Variants in AGRN observed in about 807,000 individuals in gnomAD.
AGRN encodes agrin.
In AGRN, 106 loss-of-function variants were observed where a neutral mutation model predicts 211.0. That is an observed-to-expected ratio of 0.50 (90% CI 0.43 to 0.59). AGRN has a LOEUF of 0.59. Ranked by LOEUF, AGRN falls within the 20% of genes least tolerant of loss-of-function variation. AGRN has a pLI of 0.00. For missense variants in AGRN, 3,040 were observed against 2,982.6 expected, an observed-to-expected ratio of 1.02 and a Z score of -0.45; for synonymous variants, 1,525 against 1,332.5, an observed-to-expected ratio of 1.14 and a Z score of -3.15.
intron 3 of AGRN, among the ~76,000 whole-genome samples, chr1:1,037,860 G>A (rs1455966328): frequency 6.6e-6 from 1 of 152,172 alleles, no homozygotes; most frequent in Admixed American, 6.5e-5. Flanking sequence ...GCTGCAATGC[G>A]CTGTGCCTGG....
chr1:1,051,118 C>T (rs886395969), intron 30 of AGRN, 135 bp from the exon 31 acceptor site: 16 of 1,538,792 alleles, frequency 1.0e-5, no homozygotes, highest in Admixed American at 2.0e-5. Flanking sequence ...CACTAAGGAC[C>T]CTGCCATTTC....
chr1:1,050,207 T>C lies in AGRN; in HGVS notation c.4880-26T>C, dbSNP rs749992637. 6.2e-6 allele frequency: 10 copies of C among 1,611,842 alleles called. 1 individual carries two copies. In the South Asian group the frequency reaches 1.1e-4, roughly 18 times the overall value. Reference sequence around the variant, plus strand: ...TGCAGGAGGCCCCGGGGGTCAGGACTGAGGCCTTGGTGACTCTCCCTACAG... The same window carrying C: ...TGCAGGAGGCCCCGGGGGTCAGGACCGAGGCCTTGGTGACTCTCCCTACAG... On this transcript the variant is annotated intron_variant, in intron 27 of 35. Coordinates refer to ENST00000379370, the MANE Select transcript of AGRN (RefSeq NM_198576.4).
chr1:1,026,679 C>T (rs1213227934), intron 2 of AGRN, among the ~76,000 whole-genome samples: 1 of 152,106 alleles, frequency 6.6e-6, no homozygotes, highest in East Asian at 1.9e-4. Context: ...TTGGACTGGG[C>T]TCCCCAGGGC....
Position 1,053,926 on chromosome 1 carries a change from G to A in AGRN, c.5825G>A (p.Arg1942His), listed in dbSNP as rs758968975. 24 of 1,605,528 alleles carry A rather than the reference G, an allele frequency of 1.5e-5. No homozygotes were observed. The highest frequency in any genetic ancestry group is 1.8e-4 in the Middle Eastern group (1 of 5,418). ...YNLGSQPVVL[R>H]STVPVNTNRW... ...CTGGGCTCCCAGCCCGTGGTGCTGCGTTCCACCGTGCCCGTCAACACCAAC... is the reference window on the plus strand; with the variant it reads ...CTGGGCTCCCAGCCCGTGGTGCTGCATTCCACCGTGCCCGTCAACACCAAC... The change falls in exon 34 of 36, where the codon CGT becomes CAT. Residue 1942 changes from arginine to histidine, a missense_variant. Around this residue, in one of 3 missense-constraint regions of AGRN, gnomAD observed 1,537 missense variants for 1,505.0 expected, o/e 1.02. Coordinates refer to ENST00000379370, the MANE Select transcript of AGRN (RefSeq NM_198576.4).
chr1:1,028,530 T>A (rs1644573583), intron 2 of AGRN, among the ~76,000 whole-genome samples: 1 of 137,614 alleles, frequency 7.3e-6, no homozygotes, highest in South Asian at 2.5e-4. Flanking sequence ...CCCCAGCCCC[T>A]CATGGGCCAA....
In AGRN at chr1:1,055,049, T is replaced by C. The variant is rs1357313342; in HGVS notation, c.*68T>C. ...TTTGTAAACTTGTTGCTTTTTGATA[T>C]GATTTTCTTGCCTGAGTGTTGGCCG... On this transcript the variant is annotated 3_prime_UTR_variant, in exon 36 of 36. Coordinates refer to ENST00000379370, the MANE Select transcript of AGRN (RefSeq NM_198576.4). 2.2e-5 allele frequency: 34 copies of C among 1,535,468 alleles called. 2 individuals carry two copies. The highest frequency in any genetic ancestry group is 2.0e-4 in the Middle Eastern group (1 of 4,942).
At chr1:1,027,175 G>A (rs1379733435) in intron 2 of AGRN, among the ~76,000 whole-genome samples, 2 of 152,242 alleles carry the variant, frequency 1.3e-5, no homozygotes, top group Non-Finnish European at 2.9e-5. Context: ...GTGGGAGAAG[G>A]GGCGTGCTGT....
In AGRN at chr1:1,046,866, T is replaced by C; in HGVS notation, c.3297T>C (p.Pro1099=). Reference sequence around the variant, plus strand: ...GCAGCGTGGCCACCCCTGGGCCACCTGTCGAGAGGGCTTCCTGCTACAACT... The same window carrying C: ...GCAGCGTGGCCACCCCTGGGCCACCCGTCGAGAGGGCTTCCTGCTACAACT... ...EGSSVATPGP[P]VERASCYNSA... The change falls in exon 19 of 36, where the codon CCT becomes CCC. Residue 1099 remains proline, a synonymous_variant. Coordinates refer to ENST00000379370, the MANE Select transcript of AGRN (RefSeq NM_198576.4). 6.3e-7 allele frequency: 1 copy of C among 1,587,210 alleles called. No individual in the cohort carries two copies. The highest frequency in any genetic ancestry group is 8.6e-7 in the Non-Finnish European group (1 of 1,168,672).
chr1:1,039,198 G>A (rs2100622722), intron 3 of AGRN, among the ~76,000 whole-genome samples: 1 of 152,326 alleles, frequency 6.6e-6, no homozygotes, highest in East Asian at 1.9e-4. Flanking sequence ...AGTAGCAGAA[G>A]AGGGGTGGGG....
chr1:1,035,464 TG>T lies in AGRN; in HGVS notation c.511+143del. The T allele has an allele frequency of 2.5e-6, 3 of 1,197,252 alleles. No individual in the cohort carries two copies. In the South Asian group the frequency reaches 3.7e-5, roughly 15 times the overall value. 74.2% of individuals were successfully genotyped at this position (1,197,252 alleles called of 1,614,324 possible). ...TGGACAAGGGCACCTGCGTCTGTCC[TG>T]GGAGTCCGCAGCGGTGGGCCGCAGT... On this transcript the variant is annotated intron_variant, in intron 3 of 35. Transcript: ENST00000379370.
At chr1:1,052,385 G>C (rs571515607) in intron 33 of AGRN, 1 of 340,162 alleles carries the variant, frequency 2.9e-6, no homozygotes, top group Non-Finnish European at 5.8e-6. Context: ...GTGTGTGCAT[G>C]GGTCCATGTA....
chr1:1,047,092 G>T lies in AGRN; in HGVS notation c.3388+135G>T, dbSNP rs116472750. On this transcript the variant is annotated intron_variant, in intron 19 of 35. Coordinates refer to ENST00000379370, the MANE Select transcript of AGRN (RefSeq NM_198576.4). ...CGGCCCCCTCAAACATGTGCGTGCCGGGGACCCCACGCCTAACCCGTCTCT... is the reference window on the plus strand; with the variant it reads ...CGGCCCCCTCAAACATGTGCGTGCCTGGGACCCCACGCCTAACCCGTCTCT... 2,861 of 1,438,114 alleles carry T rather than the reference G, an allele frequency of 2.0e-3. 48 individuals carry two copies. The African/African-American group carries it at 0.036, about 18-fold the overall frequency. The allele number at this position is 1,438,114 out of a possible 1,614,324, so 89.1% of individuals were successfully genotyped here.
rs767553597 is a variant in AGRN, at chr1:1,046,057, T to C, written c.2774T>C (p.Met925Thr). 5 of 1,614,046 alleles carry C rather than the reference T, an allele frequency of 3.1e-6. No homozygotes were observed. Among genetic ancestry groups the C allele is most frequent in the East Asian group, 2.2e-5 (1 of 44,876 alleles). The part of the protein sequence containing the change: ...ESGSAHCVCP[M>T]LTCPEANATK... ...GGCTCAGCCCACTGTGTCTGCCCGA[T>C]GCTCACCTGTCCAGAGGCCAACGCT... Residue 925 changes from methionine to threonine, a missense_variant, in exon 16 of 36, where the codon ATG becomes ACG. Met to Thr is a moderately conservative substitution (Grantham distance 81). Around this residue, in one of 3 missense-constraint regions of AGRN, gnomAD observed 1,498 missense variants for 1,457.8 expected, o/e 1.03. Coordinates refer to ENST00000379370, the MANE Select transcript of AGRN (RefSeq NM_198576.4).
chr1:1,045,467 A>T lies in AGRN; in HGVS notation c.2480A>T (p.Glu827Val). 6.2e-7 allele frequency: 1 copy of T among 1,612,856 alleles called. No individual in the cohort carries two copies. The highest frequency in any genetic ancestry group is 8.5e-7 in the Non-Finnish European group (1 of 1,179,940). Residue 827 changes from glutamate to valine, a missense_variant, in exon 14 of 36, where the codon GAG becomes GTG. Glu to Val is a moderately radical substitution (Grantham distance 121). This residue lies in a region of AGRN where 1,498 missense variants were observed against 1,457.8 expected (regional missense o/e 1.03). Coordinates refer to ENST00000379370, the MANE Select transcript of AGRN (RefSeq NM_198576.4). ...GGGGGCCTCAGGTGTGACCGCTGTGAGCCTGGCTTCTGGAACTTTCGAGGC... is the reference window on the plus strand; with the variant it reads ...GGGGGCCTCAGGTGTGACCGCTGTGTGCCTGGCTTCTGGAACTTTCGAGGC... ...GVGGLRCDRC[E>V]PGFWNFRGIV...
At chr1:1,030,411 A>G (rs1288137877) in intron 2 of AGRN, among the ~76,000 whole-genome samples, 1 of 72,906 alleles carries the variant, frequency 1.4e-5, no homozygotes, top group African/African-American at 4.9e-5. Context: ...TGGTGCTGTG[A>G]GATCAGCGTG....
intron 34 of AGRN, 82 bp from the exon 35 acceptor site, chr1:1,054,366 T>A: frequency 7.9e-7 from 1 of 1,266,584 alleles, no homozygotes; most frequent in Admixed American, 2.0e-5. Flanking sequence ...CTGCAGGGCA[T>A]AGGAAGGATG....
chr1:1,047,142 C>T, intron 19 of AGRN, 185 bp downstream of exon 19: 2 of 1,352,674 alleles, frequency 1.5e-6, no homozygotes, highest in Non-Finnish European at 2.0e-6. Context: ...GTGTGGCACA[C>T]TGCTCTGAGG....
intron 7 of AGRN, among the ~76,000 whole-genome samples, 164 bp downstream of exon 7, chr1:1,042,326 G>C (rs961528116): frequency 3.3e-5 from 5 of 152,184 alleles, no homozygotes; most frequent in African/African-American, 1.2e-4. Context: ...TGTGCGGAGG[G>C]TACCTGGATA....
chr1:1,037,800 G>T (rs1354182716), intron 3 of AGRN, among the ~76,000 whole-genome samples: 1 of 152,190 alleles, frequency 6.6e-6, no homozygotes, highest in East Asian at 1.9e-4. Context: ...TTGTCAGGTG[G>T]CCTACCTTCC....
Sources: allele counts gnomAD v4.1 joint callset (sites outside exome capture counted in the v4.1 genomes callset), GRCh38; gene constraint gnomAD v4.1.1; regional missense constraint gnomAD v4.1.1; transcripts MANE v1.5; gene names NCBI Gene and HGNC (gene_info 2026-07-23, HGNC 2026-07-21).